PARD3B: variants seen among roughly 807,000 people sequenced by gnomAD.
The protein encoded by PARD3B is par-3 family cell polarity regulator beta.
Under a neutral mutation model 130.2 loss-of-function variants are expected in PARD3B, and 103 were observed. The observed-to-expected ratio is 0.79, with a 90% CI of 0.67 to 0.93. PARD3B has a LOEUF of 0.93. PARD3B is among the 40% of genes least tolerant of loss of function. PARD3B has a pLI of 0.00. For synonymous variants in PARD3B, 583 were observed against 553.2 expected (o/e 1.05, Z -0.76); for missense variants, 1,609 against 1,499.2 (o/e 1.07, Z -1.21).
chr2:204,771,597 A>G (rs2041385741), intron 2 of PARD3B, among the ~76,000 whole-genome samples: 1 of 152,138 alleles, frequency 6.6e-6, no homozygotes, highest in African/African-American at 2.4e-5. Context: ...GATGGGATCA[A>G]TAGAAGCCCA....
intron 10 of PARD3B, among the ~76,000 whole-genome samples, chr2:205,135,947 A>G (rs1307488335): frequency 6.6e-6 from 1 of 152,122 alleles, no homozygotes; most frequent in Non-Finnish European, 1.5e-5. Context: ...TTTTATCCCA[A>G]ATGTTAAAAA....
At position 204,793,568 on chromosome 2, in the gene PARD3B, C is replaced by T. The variant is rs537513049; in HGVS notation, c.222+107286C>T. On this transcript the variant is annotated intron_variant, in intron 2 of 22. Transcript: ENST00000406610. The stretch of plus-strand genomic sequence containing the variant: ...TGTCACCCAGGCTGGAGTGCAATGG[C>T]GTGACCTCGGATCACTGCAACTTCT... Among the ~76,000 whole-genome samples the T allele has an allele frequency of 1.1e-4, 17 of 152,084 alleles. No individual in the cohort carries two copies. The East Asian group carries it at 2.7e-3, about 24-fold the overall frequency.
intron 22 of PARD3B, among the ~76,000 whole-genome samples, chr2:205,577,644 A>G (rs1009893070): frequency 5.9e-5 from 9 of 152,246 alleles, no homozygotes; most frequent in Non-Finnish European, 1.3e-4. Flanking sequence ...TTTCTCAAGG[A>G]TAGCTTAAAA....
chr2:205,540,358 T>C (rs2052069693), intron 21 of PARD3B, among the ~76,000 whole-genome samples: 1 of 152,208 alleles, frequency 6.6e-6, no homozygotes, highest in Admixed American at 6.5e-5. Context: ...CCTGGGCCTA[T>C]ATTTGCATCT....
chr2:204,743,916 G>A (rs1203787048), intron 2 of PARD3B, among the ~76,000 whole-genome samples: 1 of 152,078 alleles, frequency 6.6e-6, no homozygotes, highest in African/African-American at 2.4e-5. Context: ...TGGCTCTTTG[G>A]TTGGTTCTAA....
At chr2:204,973,770 G>T (rs1691913657) in intron 3 of PARD3B, among the ~76,000 whole-genome samples, 1 of 151,992 alleles carries the variant, frequency 6.6e-6, no homozygotes, top group African/African-American at 2.4e-5. Flanking sequence ...TTGAAATTTT[G>T]CTAAGATCTT....
intron 11 of PARD3B, among the ~76,000 whole-genome samples, chr2:205,170,755 A>G (rs1051894611): frequency 6.9e-6 from 1 of 145,760 alleles, no homozygotes; most frequent in East Asian, 2.0e-4. Flanking sequence ...TCTATTGTTC[A>G]TTGTGTGTGT....
chr2:204,582,228 T>G (rs375745116), intron 1 of PARD3B, among the ~76,000 whole-genome samples: 1 of 152,184 alleles, frequency 6.6e-6, no homozygotes, highest in African/African-American at 2.4e-5. Context: ...CCCTTATCTT[T>G]AGTGACTCCA....
intron 1 of PARD3B, among the ~76,000 whole-genome samples, chr2:204,649,797 A>G (rs1324384834): frequency 6.6e-6 from 1 of 152,214 alleles, no homozygotes; most frequent in Non-Finnish European, 1.5e-5. Flanking sequence ...TGTAAAATCC[A>G]AAACTATAAA....
chr2:205,181,200 T>G (rs1472170118), intron 13 of PARD3B, among the ~76,000 whole-genome samples: 1 of 152,154 alleles, frequency 6.6e-6, no homozygotes, highest in Non-Finnish European at 1.5e-5. Flanking sequence ...TCTCTCTGGA[T>G]CCGTATTCCC....
intron 2 of PARD3B, among the ~76,000 whole-genome samples, chr2:204,833,074 C>T (rs757583891): frequency 5.3e-5 from 8 of 152,150 alleles, no homozygotes; most frequent in Non-Finnish European, 1.0e-4. Flanking sequence ...AACTCTAGCT[C>T]GTTACCTAAC....
At chr2:205,201,311 C>T (rs1335926385) in intron 15 of PARD3B, among the ~76,000 whole-genome samples, 3 of 126,506 alleles carry the variant, frequency 2.4e-5, no homozygotes, top group Non-Finnish European at 5.1e-5. Context: ...ATCACATTTA[C>T]AAGTTTTGAA....
Position 205,015,257 on chromosome 2 carries a change from A to G in PARD3B, c.395-32324A>G, listed in dbSNP as rs543736385. Among the ~76,000 whole-genome samples the G allele has an allele frequency of 9.8e-5, 15 of 152,322 alleles. No homozygotes were observed. The East Asian group carries it at 1.4e-3, about 14-fold the overall frequency. ...ATAAGGAAGACAAAATATATTTACT[A>G]TTCATTAAATGGAAGTAGATCAATA... is the stretch of plus-strand genomic sequence containing the variant. On this transcript the variant is annotated intron_variant, in intron 3 of 22. Transcript: ENST00000406610. This position sits in a 1 kb window ranked among gnomAD's most constrained non-coding sequence, Gnocchi z 4.5.
intron 2 of PARD3B, among the ~76,000 whole-genome samples, chr2:204,705,033 A>T (rs569857690): frequency 3.3e-5 from 5 of 152,324 alleles, no homozygotes; most frequent in African/African-American, 1.2e-4. Flanking sequence ...CTGTTTGGGC[A>T]CAAAAGAAGG....
At chr2:205,503,140 C>T (rs1361237905) in intron 21 of PARD3B, among the ~76,000 whole-genome samples, 1 of 151,970 alleles carries the variant, frequency 6.6e-6, no homozygotes. Flanking sequence ...TAGTGTAGAC[C>T]AGGTGCTGAT....
At chr2:205,329,949 GC>G (rs1419015506) in intron 18 of PARD3B, among the ~76,000 whole-genome samples, 4 of 147,560 alleles carry the variant, frequency 2.7e-5, no homozygotes, top group African/African-American at 1.0e-4. Context: ...AGCCAAGATC[GC>G]CCCATTGCAC....
At chr2:204,998,358 A>ATGTGTGTGTGTGTG (rs59323700) in intron 3 of PARD3B, among the ~76,000 whole-genome samples, 2 of 69,832 alleles carry the variant, frequency 2.9e-5, no homozygotes, top group East Asian at 3.0e-4. Context: ...ATATATATAT[A>ATGTGTGTGTGTGTG]TGTGTGTGTG....
intron 16 of PARD3B, among the ~76,000 whole-genome samples, chr2:205,299,685 G>A (rs977260020): frequency 1.3e-5 from 2 of 151,800 alleles, no homozygotes; most frequent in African/African-American, 4.8e-5. Flanking sequence ...GTGGGAGGGG[G>A]CAGGTAGAGG....
chr2:204,874,560 G>A (rs1044499257), intron 2 of PARD3B, among the ~76,000 whole-genome samples: 1 of 152,030 alleles, frequency 6.6e-6, no homozygotes, highest in African/African-American at 2.4e-5. Flanking sequence ...ACAAGGTAGG[G>A]TAAAATTTTT....
Sources: gnomAD v4.1 joint callset for allele counts (sites outside exome capture counted in the v4.1 genomes callset) on GRCh38, gnomAD v4.1.1 for gene constraint, Gnocchi (gnomAD v3.1) non-coding constraint, MANE v1.5 for transcripts, NCBI Gene and HGNC (gene_info 2026-07-23, HGNC 2026-07-21) for gene names.